Variants in USP22 observed in about 807,000 individuals in gnomAD.
The protein encoded by USP22 is ubiquitin carboxyl-terminal hydrolase 22.
A neutral mutation model predicts 68.1 loss-of-function variants in USP22; 22 were observed. The observed-to-expected ratio is 0.32, with a 90% CI of 0.23 to 0.46. The LOEUF is 0.46. Among genes scored for constraint, USP22 ranks in the 20% least tolerant of loss-of-function variants. USP22 has a pLI of 1.00. For missense variants in USP22, 433 were observed against 695.8 expected, an observed-to-expected ratio of 0.62 and a Z score of 4.25; for synonymous variants, 279 against 274.2, an observed-to-expected ratio of 1.02 and a Z score of -0.17.
At chr17:21,030,450 T>C (rs1313721869) in intron 1 of USP22, among the ~76,000 whole-genome samples, 1 of 152,144 alleles carries the variant, frequency 6.6e-6, no homozygotes, top group African/African-American at 2.4e-5. Context: ...AATAGATATA[T>C]ACAGTTTCAG....
intron 2 of USP22, among the ~76,000 whole-genome samples, chr17:21,023,692 G>A (rs9913770): frequency 0.57 from 85,183 of 149,536 alleles, 24,707 homozygotes; most frequent in Middle Eastern, 0.62. Context: ...TTAAATCCAC[G>A]TGATGTCAGA....
chr17:21,030,438 G>A (rs1236018639), intron 1 of USP22, among the ~76,000 whole-genome samples: 1 of 152,004 alleles, frequency 6.6e-6, no homozygotes, highest in Non-Finnish European at 1.5e-5. Context: ...GTGTATTGAG[G>A]CAATAGATAT....
chr17:21,024,719 G>A (rs1201498396), intron 2 of USP22, among the ~76,000 whole-genome samples: 1 of 152,200 alleles, frequency 6.6e-6, no homozygotes, highest in East Asian at 1.9e-4. Flanking sequence ...TGGAATCCCA[G>A]CACTTTGGGA....
chr17:21,018,992 G>C, intron 4 of USP22, 92 bp downstream of exon 4: 1 of 1,328,052 alleles, frequency 7.5e-7, no homozygotes, highest in African/African-American at 1.5e-5. Flanking sequence ...GGCTTCAACA[G>C]AATCATGTGG....
chr17:21,008,124 A>C, intron 8 of USP22, 128 bp from the exon 9 acceptor site: 1 of 1,119,318 alleles, frequency 8.9e-7, no homozygotes, highest in East Asian at 2.7e-5. Context: ...TACAACTAAA[A>C]ATGAAACAAT....
intron 2 of USP22, among the ~76,000 whole-genome samples, chr17:21,023,192 A>G (rs1277233188): frequency 1.3e-5 from 2 of 152,164 alleles, no homozygotes; most frequent in African/African-American, 4.8e-5. Flanking sequence ...GGAGAGTGGG[A>G]GAAGGGAGAG....
chr17:21,042,299 C>A (rs957919922), intron 1 of USP22: 9 of 163,672 alleles, frequency 5.5e-5, no homozygotes, highest in Non-Finnish European at 1.0e-4. Context: ...CACCCCCGGC[C>A]CGGAAGCACT....
chr17:21,037,047 T>C (rs933183161), intron 1 of USP22, among the ~76,000 whole-genome samples: 3 of 152,164 alleles, frequency 2.0e-5, no homozygotes, highest in African/African-American at 7.2e-5. Flanking sequence ...CAAAAAATAA[T>C]GTGGCTATGT....
At chr17:21,006,771 G>A (rs1913794526) in intron 10 of USP22, 125 bp downstream of exon 10, 1 of 661,774 alleles carries the variant, frequency 1.5e-6, no homozygotes, top group Non-Finnish European at 2.4e-6. Flanking sequence ...CTGAAGTGCT[G>A]GGATTACAGG....
At chr17:21,040,887 CTT>C (rs376506784) in intron 1 of USP22, among the ~76,000 whole-genome samples, 1 of 142,874 alleles carries the variant, frequency 7.0e-6, no homozygotes, top group Admixed American at 6.9e-5. Flanking sequence ...CCAGGCCACC[CTT>C]TTTTTTTTTT....
chr17:21,006,154 T>C (rs1188520349), intron 10 of USP22, among the ~76,000 whole-genome samples: 1 of 152,238 alleles, frequency 6.6e-6, no homozygotes, highest in Non-Finnish European at 1.5e-5. Context: ...GCCAGGTTTT[T>C]GGTCATTTGT....
chr17:21,016,932 T>C (rs1972090546), intron 5 of USP22, among the ~76,000 whole-genome samples: 1 of 152,154 alleles, frequency 6.6e-6, no homozygotes, highest in African/African-American at 2.4e-5. Context: ...AGCCGGAGTC[T>C]AAAAACAATC....
intron 1 of USP22, 99 bp downstream of exon 1, chr17:21,042,566 G>C: frequency 1.7e-6 from 2 of 1,177,482 alleles, no homozygotes; most frequent in Non-Finnish European, 2.2e-6. Flanking sequence ...GAAAGGCAAC[G>C]GGGGAAGGGA....
rs778712056 is a variant in USP22, at chr17:21,007,947, C to T, written c.1153G>A (p.Gly385Ser). The T allele has an allele frequency of 1.9e-5, 31 of 1,613,974 alleles. No individual in the cohort carries two copies. Among genetic ancestry groups the T allele is most frequent in the Middle Eastern group, 1.6e-4 (1 of 6,080 alleles). The change falls in exon 9 of 13, where the codon GGT becomes AGT. Residue 385 changes from glycine to serine, a missense_variant. Around this residue, in one of 4 missense-constraint regions of USP22, gnomAD observed 178 missense variants for 351.5 expected, o/e 0.51. Transcript: ENST00000261497. Reference sequence around the variant, plus strand: ...GTGGACTCCTGGTAGCTATGGCAACCGCTGCACTTGATCTTGGCGCTGCTG... The same window carrying T: ...GTGGACTCCTGGTAGCTATGGCAACTGCTGCACTTGATCTTGGCGCTGCTG... The part of the protein sequence containing the change: ...LGSSAKIKCS[G>S]CHSYQESTKQ...
At chr17:21,032,415 C>T (rs1316541484) in intron 1 of USP22, among the ~76,000 whole-genome samples, 2 of 152,216 alleles carry the variant, frequency 1.3e-5, no homozygotes, top group Non-Finnish European at 2.9e-5. Flanking sequence ...GTAACAGAGG[C>T]AGACACAGGA....
intron 6 of USP22, among the ~76,000 whole-genome samples, chr17:21,013,768 A>AG (rs1914042500): frequency 6.6e-6 from 1 of 152,248 alleles, no homozygotes; most frequent in Non-Finnish European, 1.5e-5. Context: ...CCATACAGGA[A>AG]GGCGCAAAGA....
At chr17:21,017,846 T>A in intron 5 of USP22, 96 bp downstream of exon 5, 1 of 1,446,270 alleles carries the variant, frequency 6.9e-7, no homozygotes, top group Non-Finnish European at 9.4e-7. Flanking sequence ...AGGTTCTAAA[T>A]GTATCTTCCT....
intron 1 of USP22, among the ~76,000 whole-genome samples, chr17:21,039,572 C>T (rs998074273): frequency 2.6e-5 from 4 of 152,004 alleles, no homozygotes; most frequent in Admixed American, 2.6e-4. Context: ...TCTCAAAAAA[C>T]AGAGTTTTAC....
At chr17:21,032,680 C>G (rs1181035533) in intron 1 of USP22, among the ~76,000 whole-genome samples, 1 of 152,112 alleles carries the variant, frequency 6.6e-6, no homozygotes, top group Admixed American at 6.5e-5. Flanking sequence ...TGGCTCACGC[C>G]AGGAATGCAG....
Sources: allele counts gnomAD v4.1 joint callset (sites outside exome capture counted in the v4.1 genomes callset), GRCh38; gene constraint gnomAD v4.1.1; regional missense constraint gnomAD v4.1.1; transcripts MANE v1.5; gene names NCBI Gene and HGNC (gene_info 2026-07-23, HGNC 2026-07-21).